The following RASA3 variants were observed in gnomAD, a reference collection of about 807,000 sequenced individuals.
RASA3 encodes the protein RAS p21 protein activator 3, also known as ras GTPase-activating protein 3.
In RASA3, 73 loss-of-function variants were observed where a neutral mutation model predicts 110.0. The ratio of observed to expected loss-of-function variants is 0.66; its 90% CI spans 0.55 to 0.81. RASA3 has a LOEUF of 0.81. Ranked by LOEUF, RASA3 falls within the 30% of genes least tolerant of loss-of-function variation. The pLI is 0.00. For synonymous variants in RASA3, 500 were observed against 451.4 expected (o/e 1.11, Z -1.37); for missense variants, 976 against 1,113.2 (o/e 0.88, Z 1.75).
intron 1 of RASA3, among the ~76,000 whole-genome samples, chr13:114,088,199 T>C (rs1360910147): frequency 6.6e-6 from 1 of 152,146 alleles, no homozygotes; most frequent in Non-Finnish European, 1.5e-5. Context: ...AAAATAGACA[T>C]GTGAAGGCCT....
Position 113,992,049 on chromosome 13 carries a change from CACA to C in RASA3, c.2245+433_2245+435del, listed in dbSNP as rs1594282424. Among the ~76,000 whole-genome samples, 3 of 135,042 alleles carry C rather than the reference CACA, an allele frequency of 2.2e-5. 1 individual carries two copies. The East Asian group carries it at 7.5e-4, about 34-fold the overall frequency. The allele number at this position is 135,042 out of a possible 152,430, so 88.6% of individuals were successfully genotyped here. ...CATCCACACTCATACATGTCATGTC[CACA>C]CATTCACACACGCTCACACATGTCC... On this transcript the variant is annotated intron_variant, in intron 22 of 23. Transcript: ENST00000334062.
chr13:114,036,780 A>G (rs2054286445), intron 4 of RASA3, among the ~76,000 whole-genome samples: 1 of 151,956 alleles, frequency 6.6e-6, no homozygotes, highest in African/African-American at 2.4e-5. Context: ...CAGGTGATCC[A>G]CCCGCCTCGG....
At chr13:114,078,964 C>A (rs58145888) in intron 1 of RASA3, among the ~76,000 whole-genome samples, 2 of 152,256 alleles carry the variant, frequency 1.3e-5, no homozygotes. Context: ...CAGCACTGCT[C>A]CTCCCTGCAG....
chr13:114,104,657 G>A (rs1037426199), intron 1 of RASA3, among the ~76,000 whole-genome samples: 3 of 152,154 alleles, frequency 2.0e-5, no homozygotes, highest in African/African-American at 7.2e-5. Flanking sequence ...CACAAGATTT[G>A]GCGTCTCAAT....
At chr13:114,074,186 A>G (rs563229908) in intron 1 of RASA3, among the ~76,000 whole-genome samples, 1 of 152,308 alleles carries the variant, frequency 6.6e-6, no homozygotes, top group Non-Finnish European at 1.5e-5. Flanking sequence ...GGCATTAACC[A>G]CGTTCACCGA....
At position 114,048,073 on chromosome 13, in the gene RASA3, T is replaced by G. The variant is rs1224707204; in HGVS notation, c.277+3979A>C. On this transcript the variant is annotated intron_variant, in intron 3 of 23. Coordinates refer to ENST00000334062, the MANE Select transcript of RASA3 (RefSeq NM_007368.4). This position sits in a 1 kb window ranked among gnomAD's most constrained non-coding sequence, Gnocchi z 4.3. ...GCTCACGCCTGTAATCCCAGCACTT[T>G]GGGAGGCCGAGGTGGGCGGATCACG... Among the ~76,000 whole-genome samples the G allele has an allele frequency of 6.6e-6, 1 of 152,012 alleles. No homozygotes were observed. The highest frequency in any genetic ancestry group is 1.5e-5 in the Non-Finnish European group (1 of 67,988).
At chr13:114,031,163 G>A (rs536364854) in intron 4 of RASA3, among the ~76,000 whole-genome samples, 1 of 151,700 alleles carries the variant, frequency 6.6e-6, no homozygotes, top group Admixed American at 6.6e-5. Flanking sequence ...GCATGCAGCT[G>A]TGTGTGTCTG....
At chr13:114,015,894 AG>A (rs1381650321) in intron 13 of RASA3, among the ~76,000 whole-genome samples, 3 of 152,038 alleles carry the variant, frequency 2.0e-5, no homozygotes, top group African/African-American at 7.2e-5. Flanking sequence ...CAGGGTGTGC[AG>A]GGCAGACCCT....
At chr13:114,018,675 C>T (rs2053848109) in intron 10 of RASA3, 88 bp downstream of exon 10, 3 of 1,495,414 alleles carry the variant, frequency 2.0e-6, no homozygotes, top group Admixed American at 1.9e-5. Flanking sequence ...GGAGAAGGTG[C>T]CCTCTGGGGT....
At position 114,048,794 on chromosome 13, in the gene RASA3, G is replaced by A. The variant is rs1468950341; in HGVS notation, c.277+3258C>T. On this transcript the variant is annotated intron_variant, in intron 3 of 23. Transcript: ENST00000334062. This position sits in a 1 kb window ranked among gnomAD's most constrained non-coding sequence, Gnocchi z 4.3. ...GGACAGAGGAGGCTACGGTCACGCC[G>A]CCCGGGACCCGCCGACACTGGACAC... is the stretch of plus-strand genomic sequence containing the variant. Among the ~76,000 whole-genome samples, 1 of 152,062 alleles carries A rather than the reference G, an allele frequency of 6.6e-6. No homozygotes were observed. The highest frequency in any genetic ancestry group is 2.4e-5 in the African/African-American group (1 of 41,418).
intron 23 of RASA3, among the ~76,000 whole-genome samples, chr13:113,980,154 C>T (rs1206360728): frequency 7.4e-6 from 1 of 135,106 alleles, no homozygotes; most frequent in African/African-American, 2.9e-5. Context: ...CACGTGTGTG[C>T]ACACCTCCTC....
intron 21 of RASA3, among the ~76,000 whole-genome samples, chr13:113,993,245 A>G (rs2053159479): frequency 6.6e-6 from 1 of 152,124 alleles, no homozygotes; most frequent in African/African-American, 2.4e-5. Flanking sequence ...GCACGATCTC[A>G]GCTCACTGAA....
Position 114,095,729 on chromosome 13 carries a change from C to T in RASA3, c.56-21892G>A, listed in dbSNP as rs535578933. Among the ~76,000 whole-genome samples, 59 of 152,092 alleles carry T rather than the reference C, an allele frequency of 3.9e-4. 1 individual carries two copies. Among genetic ancestry groups the T allele is most frequent in the Non-Finnish European group, 6.9e-4 (47 of 68,028 alleles). ...TGATGGGCCCGGCTGTTTCCAAAAC[C>T]AGGTGGCTTGGGGCGACTCATCCAA... On this transcript the variant is annotated intron_variant, in intron 1 of 23. Transcript: ENST00000334062.
chr13:113,992,145 GCA>G (rs2053133820), intron 22 of RASA3, among the ~76,000 whole-genome samples: 1 of 152,132 alleles, frequency 6.6e-6, no homozygotes, highest in Non-Finnish European at 1.5e-5. Flanking sequence ...ACACATGCAA[GCA>G]CACTCACATA....
Position 114,057,194 on chromosome 13 carries a change from A to G in RASA3, c.174-5039T>C, listed in dbSNP as rs2079259899. 1.0e-5 allele frequency: 10 copies of G among 983,602 alleles called. No individual in the cohort carries two copies. The highest frequency in any genetic ancestry group is 1.7e-5 in the African/African-American group (1 of 57,316). 60.9% of individuals were successfully genotyped at this position (983,602 alleles called of 1,614,324 possible). On this transcript the variant is annotated intron_variant, in intron 2 of 23. Transcript: ENST00000334062. This position sits in a 1 kb window ranked among gnomAD's most constrained non-coding sequence, Gnocchi z 5.0. ...TTTAATGTTTTTCTTCTTATTTCAT[A>G]TAACTTTTTAAACTTAAAGTAATAA...
At chr13:114,027,229 C>G (rs568185474) in intron 7 of RASA3, among the ~76,000 whole-genome samples, 160 bp downstream of exon 7, 5 of 152,120 alleles carry the variant, frequency 3.3e-5, no homozygotes, top group African/African-American at 1.2e-4. Flanking sequence ...GCGGGGCTCG[C>G]TCCTCTCCGG....
chr13:114,000,701 G>C, intron 19 of RASA3, 125 bp downstream of exon 19: 2 of 725,914 alleles, frequency 2.8e-6, no homozygotes, highest in Non-Finnish European at 4.8e-6. Flanking sequence ...GGGTCACCGC[G>C]GCCCCGGGCT....
At chr13:114,127,148 A>T (rs192642407) in intron 1 of RASA3, among the ~76,000 whole-genome samples, 19 of 152,360 alleles carry the variant, frequency 1.2e-4, no homozygotes, top group Admixed American at 2.6e-4. Flanking sequence ...GACGCCGCTC[A>T]TCCACTCTGC....
At chr13:114,041,855 G>A (rs1041281750) in intron 3 of RASA3, among the ~76,000 whole-genome samples, 2 of 152,174 alleles carry the variant, frequency 1.3e-5, no homozygotes, top group African/African-American at 4.8e-5. Context: ...TGGAGAGCCT[G>A]AAAGTGTAGA....
Sources: gnomAD v4.1 joint callset for allele counts (sites outside exome capture counted in the v4.1 genomes callset) on GRCh38, gnomAD v4.1.1 for gene constraint, Gnocchi (gnomAD v3.1) non-coding constraint, MANE v1.5 for transcripts, NCBI Gene and HGNC (gene_info 2026-07-23, HGNC 2026-07-21) for gene names.